The following FKBP5 variants were observed in gnomAD, a reference collection of about 807,000 sequenced individuals.
FKBP5 encodes peptidyl-prolyl cis-trans isomerase FKBP5.
Under a neutral mutation model 50.5 loss-of-function variants are expected in FKBP5, and 23 were observed. The observed-to-expected ratio is 0.46, with a 90% confidence interval of 0.33 to 0.65. The LOEUF is 0.65. Ranked by LOEUF, FKBP5 falls within the 30% of genes least tolerant of loss-of-function variation. The probability of loss-of-function intolerance (pLI) is 0.02; values close to 1 mark genes in which losing one functional copy is unlikely to be tolerated. For missense variants in FKBP5, 411 were observed against 553.1 expected, an observed-to-expected ratio of 0.74 and a Z score of 2.58; for synonymous variants, 176 against 190.6, an observed-to-expected ratio of 0.92 and a Z score of 0.63.
intron 8 of FKBP5, chr6:35,583,060 C>G: frequency 1.4e-5 from 14 of 981,520 alleles, no homozygotes; most frequent in Non-Finnish European, 1.6e-5. Context: ...GCACTCCAGC[C>G]TGGGTGACAG....
upstream of FKBP5, among the ~76,000 whole-genome samples, chr6:35,692,847 C>T (rs537310732): frequency 5.3e-5 from 8 of 150,570 alleles, no homozygotes; most frequent in South Asian, 2.1e-4. Flanking sequence ...TGTCATTTCA[C>T]GGCTGCCTAT....
At chr6:35,676,087 CAAG>C (rs1379660102) in intron 1 of FKBP5, among the ~76,000 whole-genome samples, 2 of 151,400 alleles carry the variant, frequency 1.3e-5, no homozygotes, top group Admixed American at 1.3e-4. Flanking sequence ...AAAGCAGCAG[CAAG>C]AAGAGAAAAA....
At chr6:35,642,981 G>A in intron 1 of FKBP5, 138 bp from the exon 2 acceptor site, 1 of 597,406 alleles carries the variant, frequency 1.7e-6, no homozygotes, top group Non-Finnish European at 2.9e-6. Flanking sequence ...GAAAACAAAG[G>A]CATTTGCTAT....
Position 35,577,047 on chromosome 6 carries a change from C to A in FKBP5, c.1213G>T (p.Asp405Tyr). Residue 405 changes from aspartate to tyrosine, a missense_variant, in exon 10 of 11, where the codon GAC becomes TAC. By Grantham distance (160) the Asp-to-Tyr change is radical. Coordinates refer to ENST00000357266, the MANE Select transcript of FKBP5 (RefSeq NM_004117.4). Reference protein sequence around the residue: ...QKKAKEHNERDRRIYANMFKK... With the variant: ...QKKAKEHNERYRRIYANMFKK... ...AACATGTTGGCGTATATCCTGCGGT[C>A]CCGCTCGTTGTGCTCCTTGGCCTTT... is the stretch of plus-strand genomic sequence containing the variant. 6.2e-7 allele frequency: 1 copy of A among 1,614,192 alleles called. No individual in the cohort carries two copies. The highest frequency in any genetic ancestry group is 1.1e-5 in the South Asian group (1 of 91,070).
chr6:35,584,036 CCTT>C, intron 8 of FKBP5: 2 of 985,418 alleles, frequency 2.0e-6, no homozygotes, highest in Non-Finnish European at 2.4e-6. Context: ...GTGTTCTTAG[CCTT>C]CTTGCCACTC....
intron 6 of FKBP5, among the ~76,000 whole-genome samples, chr6:35,597,001 A>C (rs146667379): frequency 4.1e-4 from 63 of 152,308 alleles, no homozygotes; most frequent in African/African-American, 1.3e-3. Context: ...GGCAAAACAA[A>C]TCATCACAAA....
chr6:35,599,245 T>A (rs1763074953), intron 5 of FKBP5, among the ~76,000 whole-genome samples: 1 of 152,180 alleles, frequency 6.6e-6, no homozygotes, highest in Admixed American at 6.5e-5. Context: ...AACTACATGA[T>A]CTCAATGAAG....
chr6:35,624,495 A>C (rs1028074322), intron 3 of FKBP5, among the ~76,000 whole-genome samples: 1 of 44,612 alleles, frequency 2.2e-5, no homozygotes, highest in Admixed American at 2.3e-4. Flanking sequence ...AAAAGAAAAA[A>C]AATTTTTTTT....
At chr6:35,649,875 T>C (rs1458258235) in intron 1 of FKBP5, among the ~76,000 whole-genome samples, 2 of 152,172 alleles carry the variant, frequency 1.3e-5, no homozygotes, top group Non-Finnish European at 2.9e-5. Flanking sequence ...AATAAAAGTA[T>C]TTCAAAGTTT....
intron 1 of FKBP5, among the ~76,000 whole-genome samples, chr6:35,668,484 AT>A (rs1561885979): frequency 1.3e-5 from 2 of 152,260 alleles, no homozygotes; most frequent in African/African-American, 4.8e-5. Flanking sequence ...GTGACATGTA[AT>A]ACAGCTAAAA....
chr6:35,613,922 G>A (rs1252385196), intron 5 of FKBP5, among the ~76,000 whole-genome samples: 1 of 152,060 alleles, frequency 6.6e-6, no homozygotes, highest in Non-Finnish European at 1.5e-5. Context: ...CTGAGACAGA[G>A]CCTTGTTCTG....
At chr6:35,672,337 TGATACA>T (rs1765409837) in intron 1 of FKBP5, among the ~76,000 whole-genome samples, 2 of 152,156 alleles carry the variant, frequency 1.3e-5, no homozygotes, top group African/African-American at 4.8e-5. Context: ...ATAAATAATC[TGATACA>T]AAGTATTGAG....
intron 1 of FKBP5, among the ~76,000 whole-genome samples, chr6:35,649,249 TAAAA>T (rs71002582): frequency 9.8e-6 from 1 of 102,232 alleles, no homozygotes; most frequent in Admixed American, 1.1e-4. Context: ...AGACTCTGTC[TAAAA>T]AAAAAAAAAA....
chr6:35,579,976 C>T, intron 9 of FKBP5, 60 bp downstream of exon 9: 1 of 1,274,026 alleles, frequency 7.8e-7, no homozygotes, highest in Non-Finnish European at 1.1e-6. Flanking sequence ...AAGCAAAAGA[C>T]AGAGATGGAG....
intron 5 of FKBP5, among the ~76,000 whole-genome samples, chr6:35,618,377 CTA>C (rs1343128658): frequency 3.3e-5 from 5 of 152,068 alleles, no homozygotes; most frequent in Admixed American, 1.3e-4. Context: ...GAACCTGAAA[CTA>C]TTTTTTTTTT....
intron 8 of FKBP5, chr6:35,581,945 AAG>A (rs1762445353): frequency 2.0e-6 from 2 of 985,372 alleles, no homozygotes; most frequent in African/African-American, 3.5e-5. Context: ...GAGTCTGAGT[AAG>A]AGAAAAACCA....
intron 2 of FKBP5, among the ~76,000 whole-genome samples, chr6:35,697,070 T>C (rs1404474240): frequency 6.6e-6 from 1 of 152,174 alleles, no homozygotes; most frequent in Non-Finnish European, 1.5e-5. Flanking sequence ...TTCCAGTAAT[T>C]CCACTCGTAG....
chr6:35,586,655 G>A (rs1032637269), intron 8 of FKBP5: 5 of 1,015,136 alleles, frequency 4.9e-6, no homozygotes, highest in Non-Finnish European at 5.9e-6. Flanking sequence ...TTACCCTTAT[G>A]AATTCCATTC....
chr6:35,658,083 A>T (rs959659041), intron 1 of FKBP5, among the ~76,000 whole-genome samples: 2 of 151,338 alleles, frequency 1.3e-5, no homozygotes, highest in African/African-American at 4.9e-5. Flanking sequence ...AAAAAAAAAA[A>T]ATACAAAAAT....
Sources: gnomAD v4.1 joint callset for allele counts (sites outside exome capture counted in the v4.1 genomes callset) on GRCh38, gnomAD v4.1.1 for gene constraint, MANE v1.5 for transcripts, NCBI Gene and HGNC (gene_info 2026-07-23, HGNC 2026-07-21) for gene names.